The following NPR1 variants were observed in gnomAD, a reference collection of about 807,000 sequenced individuals.
NPR1 encodes atrial natriuretic peptide receptor 1.
A neutral mutation model predicts 116.9 loss-of-function variants in NPR1; 57 were observed. The observed-to-expected ratio is 0.49, with a 90% CI of 0.39 to 0.61. NPR1 has a LOEUF of 0.61. Ranked by LOEUF, NPR1 falls within the 20% of genes least tolerant of loss-of-function variation. The probability of loss-of-function intolerance (pLI) is 0.00; values close to 1 mark genes in which losing one functional copy is unlikely to be tolerated. For missense variants in NPR1, 1,096 were observed against 1,409.8 expected, an observed-to-expected ratio of 0.78 and a Z score of 3.56; for synonymous variants, 555 against 601.6, an observed-to-expected ratio of 0.92 and a Z score of 1.13.
chr1:153,684,386 C>CT (rs58272090), intron 7 of NPR1, among the ~76,000 whole-genome samples: 28,058 of 89,342 alleles, frequency 0.31, 5,940 homozygotes, highest in East Asian at 0.58. Context: ...TTCTTTCTTT[C>CT]TTTTTTTTTT....
In NPR1 at chr1:153,685,796, C is replaced by G. The variant is rs1669910339; in HGVS notation, c.1606-10C>G. The stretch of plus-strand genomic sequence containing the variant: ...CGGCTGACCATTCCTCCTGCTCTCC[C>G]TCCTTTCAGAGAGGCTCCAATTACG... On this transcript the variant is annotated splice_polypyrimidine_tract_variant and intron_variant, in intron 8 of 21. Transcript: ENST00000368680. The G allele has an allele frequency of 6.2e-7, 1 of 1,613,144 alleles. No homozygotes were observed. The highest frequency in any genetic ancestry group is 8.5e-7 in the Non-Finnish European group (1 of 1,179,190).
rs1054355035 is a variant in NPR1, at chr1:153,687,998, C to T, written c.2249-55C>T. 3.0e-6 allele frequency: 4 copies of T among 1,313,306 alleles called. No individual in the cohort carries two copies. The African/African-American group carries it at 5.9e-5, about 19-fold the overall frequency. The allele number at this position is 1,313,306 out of a possible 1,614,324, so 81.4% of individuals were successfully genotyped here. The stretch of plus-strand genomic sequence containing the variant: ...CCATCTCAGCTGGTTGCCCCAGTCT[C>T]TCACTAGGCCCTTGGCCAGCCCCAC... On this transcript the variant is annotated intron_variant, in intron 14 of 21. Transcript: ENST00000368680.
chr1:153,680,925 G>C (rs1557960281), intron 2 of NPR1: 1 of 601,432 alleles, frequency 1.7e-6, no homozygotes, highest in Admixed American at 3.0e-5. Flanking sequence ...CCACCAGCAG[G>C]CTAAAAAGAT....
chr1:153,686,434 G>C (rs944062207), intron 10 of NPR1, among the ~76,000 whole-genome samples: 2 of 152,096 alleles, frequency 1.3e-5, no homozygotes, highest in African/African-American at 4.8e-5. Flanking sequence ...TGATGTCCCT[G>C]GGGGAGAGAG....
rs901432837 is a variant in NPR1, at chr1:153,693,662, C to T, written c.*248C>T. On this transcript the variant is annotated 3_prime_UTR_variant, in exon 22 of 22. Coordinates refer to ENST00000368680, the MANE Select transcript of NPR1 (RefSeq NM_000906.4). ...GCACAGGGACACTCACACAGGCACACGCACCTGCTCTCCACCTGGACTCAG... is the reference window on the plus strand; with the variant it reads ...GCACAGGGACACTCACACAGGCACATGCACCTGCTCTCCACCTGGACTCAG... 6 of 437,630 alleles carry T rather than the reference C, an allele frequency of 1.4e-5. No homozygotes were observed. The highest frequency in any genetic ancestry group is 8.1e-5 in the African/African-American group (4 of 49,176). The allele number at this position is 437,630 out of a possible 1,614,324, so 27.1% of individuals were successfully genotyped here.
At chr1:153,681,932 A>G in intron 4 of NPR1, 93 bp downstream of exon 4, 1 of 1,483,330 alleles carries the variant, frequency 6.7e-7, no homozygotes. Flanking sequence ...GTCCTGCAGC[A>G]GTTACCTATG....
Position 153,679,475 on chromosome 1 carries a change from GC to G in NPR1, c.371del (p.Pro124GlnfsTer14). The G allele has an allele frequency of 6.5e-7, 1 of 1,540,224 alleles. No individual in the cohort carries two copies. On this transcript the variant is annotated frameshift_variant, in exon 1 of 22. Transcript: ENST00000368680. LOFTEE classifies it high-confidence loss of function. This position sits in a 1 kb window ranked among gnomAD's most constrained non-coding sequence, Gnocchi z 4.2. The stretch of plus-strand genomic sequence containing the variant: ...GGGCCCCGGCTGCGTGTACGCCGCC[GC>G]CCCAGTGGGGCGCTTCACCGCGCAC... ...FLGPGCVYAA[A>X]PVGRFTAHWR... is the part of the protein sequence containing the mutation.
Position 153,683,833 on chromosome 1 carries a change from T to A in NPR1, c.1484+9T>A. ...TCCTTCTTCATATACAGGTGAGCTG[T>A]GATGTGGGGGGTTGAGTGAGGCTGG... On this transcript the variant is annotated intron_variant, in intron 7 of 21. Coordinates refer to ENST00000368680, the MANE Select transcript of NPR1 (RefSeq NM_000906.4). 6.2e-7 allele frequency: 1 copy of A among 1,611,610 alleles called. No individual in the cohort carries two copies. The highest frequency in any genetic ancestry group is 8.5e-7 in the Non-Finnish European group (1 of 1,179,122).
chr1:153,678,791 CT>C lies in NPR1; in HGVS notation c.-315del. The C allele has an allele frequency of 2.9e-6, 1 of 341,476 alleles. No homozygotes were observed. 21.2% of individuals were successfully genotyped at this position (341,476 alleles called of 1,614,324 possible). ...TCTTCACGAAGCGCTCACTCGCACC[CT>C]TTCTCTCTCTCTCTCTCTCTCTCTA... On this transcript the variant is annotated 5_prime_UTR_variant, in exon 1 of 22. Coordinates refer to ENST00000368680, the MANE Select transcript of NPR1 (RefSeq NM_000906.4). This position sits in a 1 kb window ranked among gnomAD's most constrained non-coding sequence, Gnocchi z 5.8.
Position 153,693,721 on chromosome 1 carries a change from C to T in NPR1, c.*307C>T. 3 of 407,028 alleles carry T rather than the reference C, an allele frequency of 7.4e-6. No homozygotes were observed. The highest frequency in any genetic ancestry group is 7.1e-5 in the East Asian group (2 of 28,166). 25.2% of individuals were successfully genotyped at this position (407,028 alleles called of 1,614,324 possible). On this transcript the variant is annotated 3_prime_UTR_variant, in exon 22 of 22. Transcript: ENST00000368680. ...GGGCTGTGGATTCCTGATCCCCTCC[C>T]CTCCCCATGCTCTCCTCCCTCAGCC...
rs1669671608 is a variant in NPR1 at position 153,678,818 on chromosome 1, A to T, written c.-291A>T. On this transcript the variant is annotated 5_prime_UTR_variant, in exon 1 of 22. Coordinates refer to ENST00000368680, the MANE Select transcript of NPR1 (RefSeq NM_000906.4). The surrounding 1 kb of genome is among the most constrained non-coding windows in gnomAD (Gnocchi z 5.8). ...TTCTCTCTCTCTCTCTCTCTCTCTA[A>T]CACGCACGCACACTCCCAGTTGTTC... The T allele has an allele frequency of 4.7e-6, 2 of 425,884 alleles. No homozygotes were observed. The highest frequency in any genetic ancestry group is 4.1e-6 in the Non-Finnish European group (1 of 243,984). The allele number at this position is 425,884 out of a possible 1,614,324, so 26.4% of individuals were successfully genotyped here. A position where few individuals can be genotyped will look rare whatever the true frequency, so the allele number is the denominator to read the frequency against.
At chr1:153,681,605 C>T in intron 3 of NPR1, 99 bp from the exon 4 acceptor site, 3 of 1,356,566 alleles carry the variant, frequency 2.2e-6, no homozygotes, top group Non-Finnish European at 3.1e-6. Flanking sequence ...TTCTCCCATC[C>T]TCTTCCAAAA....
At chr1:153,686,048 G>A (rs1207368581) in intron 9 of NPR1, 75 bp from the exon 10 acceptor site, 1 of 1,511,700 alleles carries the variant, frequency 6.6e-7, no homozygotes, top group East Asian at 2.3e-5. Flanking sequence ...GCAGGGATGG[G>A]CTGTCGGGAG....
chr1:153,680,363 G>C, intron 1 of NPR1, 138 bp from the exon 2 acceptor site: 1 of 477,402 alleles, frequency 2.1e-6, no homozygotes, highest in Non-Finnish European at 3.6e-6. Flanking sequence ...AGGCTGAGCC[G>C]GGAGTTACCA....
At chr1:153,683,576 C>T (rs1381947335) in intron 6 of NPR1, 65 bp downstream of exon 6, 19 of 1,599,842 alleles carry the variant, frequency 1.2e-5, no homozygotes, top group Admixed American at 5.0e-5. Context: ...TAAGCACAGT[C>T]GAGTAGGTGC....
chr1:153,679,396 A>T lies in NPR1; in HGVS notation c.288A>T (p.Ala96=). 1 of 1,540,610 alleles carries T rather than the reference A, an allele frequency of 6.5e-7. No individual in the cohort carries two copies. The highest frequency in any genetic ancestry group is 8.7e-7 in the Non-Finnish European group (1 of 1,148,248). Residue 96 remains alanine (A), a synonymous_variant, in exon 1 of 22, where the codon GCA becomes GCT. Coordinates refer to ENST00000368680, the MANE Select transcript of NPR1 (RefSeq NM_000906.4). This position sits in a 1 kb window ranked among gnomAD's most constrained non-coding sequence, Gnocchi z 4.2. ...CGCTGGGCGTCTGCTCCGACACCGC[A>T]GCGCCCCTGGCCGCGGTGGACCTCA... The part of the protein sequence containing the change: ...ENALGVCSDT[A]APLAAVDLKW...
Position 153,693,404 on chromosome 1 carries a change from C to A in NPR1, c.3176C>A (p.Thr1059Asn), listed in dbSNP as rs1163465471. 1.9e-6 allele frequency: 3 copies of A among 1,610,564 alleles called. No homozygotes were observed. Among genetic ancestry groups the A allele is most frequent in the Non-Finnish European group, 2.5e-6 (3 of 1,178,530 alleles). Residue 1059 changes from threonine to asparagine, a missense_variant, in exon 22 of 22, where the codon ACC becomes AAC. By Grantham distance (65) the Thr-to-Asn change is moderately conservative. Coordinates refer to ENST00000368680, the MANE Select transcript of NPR1 (RefSeq NM_000906.4). ...CTCCTTGGGGAGAGGGGGAGTAGCA[C>A]CCGAGGCTGACCTGCCTCCTCTCCT... ...YWLLGERGSS[T>N]RG
intron 5 of NPR1, 60 bp downstream of exon 5, chr1:153,682,649 C>T: frequency 1.6e-6 from 2 of 1,249,780 alleles, no homozygotes; most frequent in Non-Finnish European, 2.3e-6. Context: ...CCTCCTACTT[C>T]CCCCCCACAG....
At chr1:153,684,532 C>T (rs1158636077) in intron 7 of NPR1, among the ~76,000 whole-genome samples, 1 of 151,658 alleles carries the variant, frequency 6.6e-6, no homozygotes, top group East Asian at 1.9e-4. Context: ...GCTGGGACTA[C>T]AGGCACATGC....
Sources: gnomAD v4.1 joint callset for allele counts (sites outside exome capture counted in the v4.1 genomes callset) on GRCh38, gnomAD v4.1.1 for gene constraint, Gnocchi (gnomAD v3.1) non-coding constraint, MANE v1.5 for transcripts, NCBI Gene and HGNC (gene_info 2026-07-23, HGNC 2026-07-21) for gene names.